Variants in HTD2 observed in about 807,000 individuals in gnomAD.
HTD2 encodes hydroxyacyl-thioester dehydratase type 2, mitochondrial.
In HTD2, 1 loss-of-function variant was observed where a neutral mutation model predicts 3.1. The observed-to-expected ratio is 0.32, with a 90% CI of 0.11 to 1.52. HTD2 has a LOEUF of 1.52. Among genes scored for constraint, HTD2 ranks in the 40% most tolerant of loss-of-function variants. The probability of loss-of-function intolerance (pLI) is 0.39; values close to 1 mark genes in which losing one functional copy is unlikely to be tolerated. For missense variants in HTD2, 150 were observed against 79.6 expected (o/e 1.88, Z -3.36); for synonymous variants, 50 against 28.9 (o/e 1.73, Z -2.34).
At position 58,310,276 on chromosome 3, in the gene HTD2, T is replaced by C. The variant is rs375738708; in HGVS notation, c.-415-231T>C. 367 of 1,500,802 alleles carry C rather than the reference T, an allele frequency of 2.4e-4. 5 individuals carry two copies. The highest frequency in any genetic ancestry group is 1.5e-3 in the Middle Eastern group (9 of 5,810). 93.0% of individuals were successfully genotyped at this position (1,500,802 alleles called of 1,614,324 possible). The stretch of plus-strand genomic sequence containing the variant: ...AAAACTCTGAAAAATAGCATGTGCA[T>C]TGGTCATTTCTAGCCCTCTTGACTT... On this transcript the variant is annotated intron_variant, in intron 1 of 4. Transcript: ENST00000461393.
At chr3:58,306,464 C>T (rs2097474651), upstream of HTD2, 2 of 152,306 alleles carry the variant, frequency 1.3e-5, no homozygotes, top group African/African-American at 4.8e-5. Context: ...GGAGCCGTCT[C>T]AGTTGGCCGC....
intron 1 of HTD2, among the ~76,000 whole-genome samples, chr3:58,308,220 G>A (rs914280089): frequency 4.6e-5 from 7 of 152,024 alleles, no homozygotes; most frequent in Admixed American, 4.6e-4. Context: ...GAATATATAG[G>A]CCTATACCAC....
chr3:58,314,829 C>T (rs2097486630), intron 2 of HTD2, among the ~76,000 whole-genome samples: 1 of 151,980 alleles, frequency 6.6e-6, no homozygotes, highest in African/African-American at 2.4e-5. Context: ...GGACTACAGG[C>T]ACACACCACC....
At chr3:58,317,051 T>C in intron 4 of HTD2, 58 bp downstream of exon 4, 1 of 1,213,144 alleles carries the variant, frequency 8.2e-7, no homozygotes, top group Non-Finnish European at 1.2e-6. Context: ...CAACTGCTTC[T>C]TAATATACAC....
Position 58,317,650 on chromosome 3 carries a change from G to T in HTD2, c.37G>T (p.Gly13Cys). 1 of 714,578 alleles carries T rather than the reference G, an allele frequency of 1.4e-6. No individual in the cohort carries two copies. The highest frequency in any genetic ancestry group is 2.5e-6 in the Non-Finnish European group (1 of 394,250). 44.3% of individuals were successfully genotyped at this position (714,578 alleles called of 1,614,324 possible). ...AATTTCCAGCCATCACCTTTGGTGG[G>T]GTGGGCTTCGGAGGACAGTCTGTCT... ...PLISSHHLWW[G>C]GLRRTVCLNL... Residue 13 changes from glycine (G) to cysteine (C), a missense_variant, in exon 5 of 5, where the codon GGT becomes TGT. Transcript: ENST00000461393.
intron 4 of HTD2, among the ~76,000 whole-genome samples, chr3:58,317,224 A>G (rs751005650): frequency 1.3e-5 from 2 of 152,240 alleles, no homozygotes; most frequent in Non-Finnish European, 2.9e-5. Flanking sequence ...GTTAAGGCTT[A>G]CTTTTTTTAT....
intron 2 of HTD2, 102 bp from the exon 3 acceptor site, chr3:58,316,413 A>G: frequency 9.8e-7 from 1 of 1,023,486 alleles, no homozygotes; most frequent in South Asian, 1.3e-5. Context: ...AATACTGCTT[A>G]TGTGGAGGAG....
intron 2 of HTD2, 40 bp from the exon 3 acceptor site, chr3:58,316,475 T>C (rs1246019727): frequency 1.3e-6 from 2 of 1,544,418 alleles, no homozygotes; most frequent in South Asian, 2.2e-5. Flanking sequence ...TCAAGAATAA[T>C]GGTGAGAATA....
chr3:58,307,569 T>TA (rs58431698), intron 1 of HTD2, among the ~76,000 whole-genome samples: 6,956 of 152,078 alleles, frequency 0.046, 559 homozygotes, highest in African/African-American at 0.16. Flanking sequence ...GTACTAAAAA[T>TA]ACAAAAGTTA....
At chr3:58,311,708 CTTTT>C (rs756755418) in intron 2 of HTD2, among the ~76,000 whole-genome samples, 2 of 139,210 alleles carry the variant, frequency 1.4e-5, no homozygotes, top group Non-Finnish European at 3.1e-5. Flanking sequence ...TGCATATGTC[CTTTT>C]TTTTTTTTTT....
At chr3:58,312,223 A>C (rs2097482996) in intron 2 of HTD2, among the ~76,000 whole-genome samples, 1 of 151,964 alleles carries the variant, frequency 6.6e-6, no homozygotes, top group Admixed American at 6.6e-5. Flanking sequence ...TCCTCCCAGT[A>C]GTGTGTGAGG....
chr3:58,319,962 C>T lies in HTD2; in HGVS notation c.*1842C>T, dbSNP rs919386364. ...TTTTTCATCACCCCCAAAAGAACCT[C>T]CCATTAGCAGTCAATCCATTTCTCT... On this transcript the variant is annotated 3_prime_UTR_variant, in exon 5 of 5. Coordinates refer to ENST00000461393, the MANE Select transcript of HTD2 (RefSeq NM_001348712.2). The T allele has an allele frequency of 2.0e-5, 3 of 152,168 alleles. No individual in the cohort carries two copies. Among genetic ancestry groups the T allele is most frequent in the Non-Finnish European group, 4.4e-5 (3 of 68,042 alleles). The allele number at this position is 152,168 out of a possible 1,614,324, so 9.4% of individuals were successfully genotyped here. A position where few individuals can be genotyped will look rare whatever the true frequency, so the allele number is the denominator to read the frequency against.
intron 2 of HTD2, among the ~76,000 whole-genome samples, chr3:58,314,665 G>A (rs1304914903): frequency 7.1e-6 from 1 of 141,494 alleles, no homozygotes; most frequent in Non-Finnish European, 1.5e-5. Flanking sequence ...CTGGAACATA[G>A]TTTGGCAGTA....
chr3:58,314,261 G>A (rs2097485612), intron 2 of HTD2, among the ~76,000 whole-genome samples: 1 of 152,184 alleles, frequency 6.6e-6, no homozygotes, highest in African/African-American at 2.4e-5. Flanking sequence ...TAAGGCAGGA[G>A]AACCACTTGA....
Position 58,318,106 on chromosome 3 carries a change from G to A in HTD2, c.493G>A (p.Ala165Thr). ...EGWVKVMVPE[A>T]SKS ...CTGGGTTAAAGTTATGGTTCCAGAA[G>A]CTTCCAAATCCTGAAATAGATGTTT... Residue 165 changes from alanine to threonine, a missense_variant, in exon 5 of 5, where the codon GCT becomes ACT. Physicochemically the swap from Ala to Thr is moderately conservative, Grantham distance 58 (BLOSUM62 0). Coordinates refer to ENST00000461393, the MANE Select transcript of HTD2 (RefSeq NM_001348712.2). 1.5e-6 allele frequency: 1 copy of A among 649,858 alleles called. No homozygotes were observed. 40.3% of individuals were successfully genotyped at this position (649,858 alleles called of 1,614,324 possible). A position where few individuals can be genotyped will look rare whatever the true frequency, so the allele number is the denominator to read the frequency against.
chr3:58,307,919 A>G (rs892896091), intron 1 of HTD2: 1 of 150,410 alleles, frequency 6.6e-6, no homozygotes, highest in Admixed American at 6.6e-5. Context: ...TATCGTAAGT[A>G]GCATTGAGTA....
chr3:58,306,695 C>T (rs960611562), intron 1 of HTD2, 44 bp downstream of exon 1: 1 of 152,284 alleles, frequency 6.6e-6, no homozygotes, highest in African/African-American at 2.4e-5. Context: ...GAAAGCCACC[C>T]AAGTGCTCAG....
chr3:58,310,538 G>A lies in HTD2; in HGVS notation c.-384G>A. ...TCAAGATTGTGGAGTTGGACTGAAT[G>A]CTGCACAGTTCAAACAGCTGCTTAT... On this transcript the variant is annotated 5_prime_UTR_variant, in exon 2 of 5. The change abolishes an upstream ATG in the 5' untranslated region. Transcript: ENST00000461393. 1 of 1,612,640 alleles carries A rather than the reference G, an allele frequency of 6.2e-7. No individual in the cohort carries two copies. Among genetic ancestry groups the A allele is most frequent in the Non-Finnish European group, 8.5e-7 (1 of 1,179,658 alleles).
chr3:58,320,063 C>T lies in HTD2; in HGVS notation c.*1943C>T, dbSNP rs2097492914. On this transcript the variant is annotated 3_prime_UTR_variant, in exon 5 of 5. Transcript: ENST00000461393. ...CTGTTCTGGACATTTCATAAAAGTT[C>T]ATACAATGTATGATCCTTTGGAACT... The T allele has an allele frequency of 6.6e-6, 1 of 152,098 alleles. No individual in the cohort carries two copies. Among genetic ancestry groups the T allele is most frequent in the South Asian group, 2.1e-4 (1 of 4,832 alleles). The allele number at this position is 152,098 out of a possible 1,614,324, so 9.4% of individuals were successfully genotyped here.
Sources: allele counts gnomAD v4.1 joint callset (sites outside exome capture counted in the v4.1 genomes callset), GRCh38; gene constraint gnomAD v4.1.1; transcripts MANE v1.5; gene names NCBI Gene and HGNC (gene_info 2026-07-23, HGNC 2026-07-21).